Variants in SMG1 observed in about 807,000 individuals in gnomAD.
SMG1 encodes the protein SMG1 nonsense mediated mRNA decay associated PI3K related kinase.
Under a neutral mutation model 419.9 loss-of-function variants are expected in SMG1, and 22 were observed. The observed-to-expected ratio is 0.05, with a 90% CI of 0.04 to 0.07. The LOEUF (loss-of-function observed/expected upper bound fraction) is 0.07. SMG1 is among the 10% of genes least tolerant of loss of function. The probability of loss-of-function intolerance (pLI) is 1.00; values close to 1 mark genes in which losing one functional copy is unlikely to be tolerated. For synonymous variants in SMG1, 1,538 were observed against 1,553.5 expected (o/e 0.99, Z 0.23); for missense variants, 3,185 against 4,342.0 (o/e 0.73, Z 7.49).
chr16:18,917,972 T>C (rs765812464), intron 1 of SMG1, among the ~76,000 whole-genome samples: 3 of 151,642 alleles, frequency 2.0e-5, no homozygotes, highest in Non-Finnish European at 2.9e-5. Flanking sequence ...CCAAATACAC[T>C]TGAACTGGGC....
At chr16:18,836,337 A>G (rs756163384) in intron 47 of SMG1, 23 bp downstream of exon 47, 1 of 1,608,218 alleles carries the variant, frequency 6.2e-7, no homozygotes, top group Non-Finnish European at 8.5e-7. Flanking sequence ...TCACATGTGA[A>G]TCTAAAATAA....
At chr16:18,816,798 A>G (rs1596461785) in intron 57 of SMG1, among the ~76,000 whole-genome samples, 1 of 152,212 alleles carries the variant, frequency 6.6e-6, no homozygotes, top group Admixed American at 6.5e-5. Flanking sequence ...AATCACAAAG[A>G]TGACTGGCAA....
chr16:18,848,833 G>A (rs531406535), intron 36 of SMG1, among the ~76,000 whole-genome samples: 4 of 151,790 alleles, frequency 2.6e-5, no homozygotes, highest in Non-Finnish European at 5.9e-5. Flanking sequence ...ATCACTTTGG[G>A]AGGCCGAGGC....
At chr16:18,902,123 C>G (rs2037371702) in intron 1 of SMG1, among the ~76,000 whole-genome samples, 1 of 151,998 alleles carries the variant, frequency 6.6e-6, no homozygotes, top group Admixed American at 6.6e-5. Flanking sequence ...ACCATGGAAC[C>G]CCAGTAAAAA....
chr16:18,852,365 C>T lies in SMG1; in HGVS notation c.4866G>A (p.Leu1622=). 6.2e-7 allele frequency: 1 copy of T among 1,613,782 alleles called. No individual in the cohort carries two copies. The highest frequency in any genetic ancestry group is 2.2e-5 in the East Asian group (1 of 44,886). The change falls in exon 32 of 63, where the codon TTG becomes TTA. Residue 1622 remains leucine (L), a synonymous_variant. Coordinates refer to ENST00000446231, the MANE Select transcript of SMG1 (RefSeq NM_015092.5). ...APEVAKSWAA[L]ASWAYRWGRK... ...TGCCCCACCTATAAGCCCAGCTGGC[C>T]AACGCTGCCCAAGATTTGGCTACTT...
chr16:18,886,809 A>G (rs546159483), intron 6 of SMG1, among the ~76,000 whole-genome samples: 27 of 152,336 alleles, frequency 1.8e-4, no homozygotes, highest in Non-Finnish European at 3.8e-4. Flanking sequence ...CTCAAAAAAA[A>G]AGAGAAAAAG....
intron 8 of SMG1, 137 bp downstream of exon 8, chr16:18,884,953 T>C (rs1458243686): frequency 1.1e-5 from 7 of 641,946 alleles, no homozygotes; most frequent in African/African-American, 5.6e-5. Flanking sequence ...TAACAAGTAA[T>C]GTTCATTTAC....
At chr16:18,818,725 T>C (rs1357982940) in intron 56 of SMG1, among the ~76,000 whole-genome samples, 1 of 151,648 alleles carries the variant, frequency 6.6e-6, no homozygotes, top group Non-Finnish European at 1.5e-5. Flanking sequence ...CATGTATTAG[T>C]CCAATTTTGT....
intron 9 of SMG1, among the ~76,000 whole-genome samples, chr16:18,882,731 AAGTC>A (rs1297033514): frequency 6.6e-6 from 1 of 152,214 alleles, no homozygotes. Context: ...GCTCAACAGT[AAGTC>A]CTCCAAACCA....
intron 51 of SMG1, among the ~76,000 whole-genome samples, chr16:18,831,531 A>C (rs553557049): frequency 6.6e-6 from 1 of 152,270 alleles, no homozygotes; most frequent in South Asian, 2.1e-4. Context: ...TAACTTTTTA[A>C]ATACTGCTAA....
In SMG1 at chr16:18,835,920, A is replaced by G. The variant is rs2033537057; in HGVS notation, c.8057+13T>C. On this transcript the variant is annotated intron_variant, in intron 48 of 62. Coordinates refer to ENST00000446231, the MANE Select transcript of SMG1 (RefSeq NM_015092.5). ...TCTCAAAAATAAAAGAAAATTAAGC[A>G]CTATCAACTTACTTCCTATAGAGCT... The G allele has an allele frequency of 6.5e-7, 1 of 1,548,278 alleles. No individual in the cohort carries two copies. The highest frequency in any genetic ancestry group is 8.7e-7 in the Non-Finnish European group (1 of 1,144,178).
At chr16:18,830,143 A>G in intron 52 of SMG1, 28 bp from the exon 53 acceptor site, 1 of 1,601,792 alleles carries the variant, frequency 6.2e-7, no homozygotes, top group Non-Finnish European at 8.5e-7. Context: ...AACAAAGTTC[A>G]TTTCTCCACT....
rs2031478991 is a variant in SMG1, at chr16:18,812,213, TG to T, written c.10622-87del. The T allele has an allele frequency of 4.0e-6, 5 of 1,257,384 alleles. No homozygotes were observed. The African/African-American group carries it at 7.5e-5, about 19-fold the overall frequency. 77.9% of individuals were successfully genotyped at this position (1,257,384 alleles called of 1,614,324 possible). ...GGAGCAAGCACGGGATAGGTGGTAG[TG>T]GTTGATACCCCAATTAAATAATCAA... On this transcript the variant is annotated intron_variant, in intron 60 of 62. Coordinates refer to ENST00000446231, the MANE Select transcript of SMG1 (RefSeq NM_015092.5).
chr16:18,855,457 C>T (rs1284444636), intron 29 of SMG1, among the ~76,000 whole-genome samples: 1 of 152,186 alleles, frequency 6.6e-6, no homozygotes, highest in Non-Finnish European at 1.5e-5. Flanking sequence ...AATCTTCACC[C>T]AGACCTGATA....
intron 1 of SMG1, among the ~76,000 whole-genome samples, chr16:18,903,499 A>G (rs2037429892): frequency 1.3e-5 from 2 of 152,146 alleles, no homozygotes; most frequent in African/African-American, 4.8e-5. Flanking sequence ...CTACCAGTGG[A>G]TGACCTTATA....
intron 23 of SMG1, among the ~76,000 whole-genome samples, chr16:18,865,893 C>A (rs1178673670): frequency 6.6e-6 from 1 of 151,968 alleles, no homozygotes; most frequent in Non-Finnish European, 1.5e-5. Context: ...AACTCCTGAC[C>A]TCAGGTGATC....
chr16:18,874,899 A>T (rs969937819), intron 13 of SMG1, among the ~76,000 whole-genome samples: 19 of 55,470 alleles, frequency 3.4e-4, no homozygotes, highest in Non-Finnish European at 5.8e-4. Context: ...AAAAAAAAAA[A>T]AGCCTTTTTT....
intron 39 of SMG1, among the ~76,000 whole-genome samples, chr16:18,843,940 C>T (rs943828543): frequency 1.3e-5 from 2 of 151,928 alleles, no homozygotes; most frequent in African/African-American, 4.8e-5. Flanking sequence ...AAGAGAGACA[C>T]AGGTATTCTT....
At chr16:18,885,843 G>A (rs2036588995) in intron 6 of SMG1, among the ~76,000 whole-genome samples, 177 bp from the exon 7 acceptor site, 3 of 151,974 alleles carry the variant, frequency 2.0e-5, no homozygotes, top group African/African-American at 7.2e-5. Context: ...CTACCTGGGA[G>A]GCTGAGACAC....
Sources: gnomAD v4.1 joint callset for allele counts (sites outside exome capture counted in the v4.1 genomes callset) on GRCh38, gnomAD v4.1.1 for gene constraint, MANE v1.5 for transcripts, NCBI Gene and HGNC (gene_info 2026-07-23, HGNC 2026-07-21) for gene names.